SORBS2: variants seen among roughly 807,000 people sequenced by gnomAD.
SORBS2 encodes the protein sorbin and SH3 domain containing 2.
SORBS2 carries 46 observed loss-of-function variants against 97.7 expected under a neutral mutation model. The ratio of observed to expected loss-of-function variants is 0.47; its 90% CI spans 0.37 to 0.60. The LOEUF (loss-of-function observed/expected upper bound fraction) is 0.60, where lower values mean the gene tolerates loss of function less well. Ranked by LOEUF, SORBS2 falls within the 20% of genes least tolerant of loss-of-function variation. The probability of loss-of-function intolerance (pLI) is 0.00; values close to 1 mark genes in which losing one functional copy is unlikely to be tolerated. For missense variants in SORBS2, 1,316 were observed against 1,282.3 expected (o/e 1.03, Z -0.40); for synonymous variants, 476 against 473.4 (o/e 1.01, Z -0.07).
At chr4:185,887,066 T>C (rs2099240043) in intron 1 of SORBS2, among the ~76,000 whole-genome samples, 1 of 152,098 alleles carries the variant, frequency 6.6e-6, no homozygotes. Flanking sequence ...ACACTTGAGT[T>C]GCACAAACAG....
At chr4:185,766,938 T>C (rs897434460) in intron 2 of SORBS2, among the ~76,000 whole-genome samples, 2 of 152,236 alleles carry the variant, frequency 1.3e-5, no homozygotes, top group African/African-American at 2.4e-5. Flanking sequence ...GTTTCTATTC[T>C]ATCCTTTCTA....
At chr4:185,608,885 C>G (rs920443732) in intron 12 of SORBS2, among the ~76,000 whole-genome samples, 1 of 152,204 alleles carries the variant, frequency 6.6e-6, no homozygotes, top group African/African-American at 2.4e-5. Flanking sequence ...CACAGGGAAG[C>G]AGCCCTCTTG....
intron 2 of SORBS2, among the ~76,000 whole-genome samples, chr4:185,756,136 T>G (rs920615724): frequency 6.6e-6 from 1 of 152,198 alleles, no homozygotes; most frequent in Non-Finnish European, 1.5e-5. Flanking sequence ...CATTGACAGC[T>G]CATTAGAAAG....
chr4:185,665,908 G>A (rs1246544756), intron 4 of SORBS2: 1 of 1,197,604 alleles, frequency 8.4e-7, no homozygotes, highest in Non-Finnish European at 1.1e-6. Context: ...GGCCAGGGAG[G>A]AGTCTGTTGT....
chr4:185,831,862 G>T (rs1230355983), intron 1 of SORBS2, among the ~76,000 whole-genome samples: 1 of 152,156 alleles, frequency 6.6e-6, no homozygotes, highest in Non-Finnish European at 1.5e-5. Context: ...AAGTCAACAA[G>T]ACCTCAATGC....
In SORBS2 at chr4:185,621,796, G is replaced by T. The variant is rs191804905; in HGVS notation, c.2215+1118C>A. ...ATACTATAAATTCTGAATTATTAGG[G>T]GTTTGAATCTCTTTTCTGTTATCTA... On this transcript the variant is annotated intron_variant, in intron 7 of 14. Transcript: ENST00000418609. Among the ~76,000 whole-genome samples the T allele has an allele frequency of 2.8e-3, 420 of 152,176 alleles. 1 individual carries two copies. Among genetic ancestry groups the T allele is most frequent in the African/African-American group, 9.5e-3 (394 of 41,528 alleles).
chr4:185,591,086 T>TATCA (rs71593639), intron 13 of SORBS2, among the ~76,000 whole-genome samples: 31,487 of 152,022 alleles, frequency 0.21, 3,641 homozygotes, highest in African/African-American at 0.33. Flanking sequence ...AAAACTATTC[T>TATCA]ATCATTTAAA....
At chr4:185,821,446 T>C (rs1258736217) in intron 1 of SORBS2, among the ~76,000 whole-genome samples, 6 of 152,186 alleles carry the variant, frequency 3.9e-5, no homozygotes, top group Non-Finnish European at 8.8e-5. Flanking sequence ...TTTTTTGAGA[T>C]GGAGTCTCGC....
At chr4:185,928,507 G>A (rs1173569133) in intron 1 of SORBS2, among the ~76,000 whole-genome samples, 3 of 152,178 alleles carry the variant, frequency 2.0e-5, no homozygotes, top group South Asian at 4.1e-4. Flanking sequence ...AGTCAGGCAC[G>A]TGGGGCCCCA....
At chr4:185,627,011 C>T in exon 6 of SORBS2, 1 of 1,614,042 alleles carries the variant, frequency 6.2e-7, no homozygotes, top group South Asian at 1.1e-5. Flanking sequence ...ACTGGCCATG[C>T]TTGCAGAACT....
chr4:185,593,781 G>T, intron 13 of SORBS2, 105 bp downstream of exon 25: 1 of 761,930 alleles, frequency 1.3e-6, no homozygotes, highest in Non-Finnish European at 2.3e-6. Flanking sequence ...CCTCATGTTA[G>T]TTTGATCTTT....
At chr4:185,625,594 G>T (rs2096796982) in intron 6 of SORBS2, among the ~76,000 whole-genome samples, 1 of 152,112 alleles carries the variant, frequency 6.6e-6, no homozygotes, top group African/African-American at 2.4e-5. Context: ...TTAACTTTTG[G>T]CTAGTATCCA....
At chr4:185,852,295 T>A (rs7696852) in intron 1 of SORBS2, among the ~76,000 whole-genome samples, 36,142 of 152,134 alleles carry the variant, frequency 0.24, 4,734 homozygotes, top group Middle Eastern at 0.35. Flanking sequence ...GCTTAAGGAC[T>A]AGCGCTTTCA....
Position 185,607,797 on chromosome 4 carries a change from C to T in SORBS2, c.2796+3983G>A, listed in dbSNP as rs549544633. On this transcript the variant is annotated intron_variant, in intron 12 of 14. Coordinates refer to ENST00000418609, the Ensembl canonical transcript of SORBS2. The surrounding 1 kb of genome is among the most constrained non-coding windows in gnomAD (Gnocchi z 5.2). ...GCAACCTCTGCCTCCCAGGTTCAAA[C>T]GATTTTCCTGCTTCATCCTCCCGAG... is the stretch of plus-strand genomic sequence containing the variant. 3.3e-5 allele frequency among the ~76,000 whole-genome samples: 5 copies of T among 152,128 alleles called. No homozygotes were observed. Among genetic ancestry groups the T allele is most frequent in the Non-Finnish European group, 5.9e-5 (4 of 67,994 alleles).
chr4:185,870,315 A>T (rs898744859), intron 1 of SORBS2, among the ~76,000 whole-genome samples: 1 of 152,240 alleles, frequency 6.6e-6, no homozygotes, highest in Non-Finnish European at 1.5e-5. Flanking sequence ...GCAGTCTGAC[A>T]TAACACAGCC....
At chr4:185,911,430 T>C (rs2099255004) in intron 1 of SORBS2, among the ~76,000 whole-genome samples, 2 of 152,036 alleles carry the variant, frequency 1.3e-5, no homozygotes, top group Admixed American at 1.3e-4. Context: ...AGTCTCACTA[T>C]ATTGCTCAGG....
chr4:185,898,724 C>T (rs988765982), intron 1 of SORBS2, among the ~76,000 whole-genome samples: 24 of 152,098 alleles, frequency 1.6e-4, no homozygotes, highest in Admixed American at 7.9e-4. Flanking sequence ...ATGGAGAGGG[C>T]GTCAGTTTAG....
intron 11 of SORBS2, 137 bp from the exon 24 acceptor site, chr4:185,612,117 G>T: frequency 1.6e-6 from 1 of 628,246 alleles, no homozygotes; most frequent in Non-Finnish European, 2.8e-6. Flanking sequence ...AATCAGGGGA[G>T]GGCAAGTAAG....
intron 5 of SORBS2, 101 bp downstream of exon 8, chr4:185,662,003 C>T (rs777942679): frequency 7.5e-7 from 1 of 1,337,542 alleles, no homozygotes; most frequent in Non-Finnish European, 1.0e-6. Context: ...GTCATGAGTG[C>T]TGAGCGCTCC....
Sources: allele counts gnomAD v4.1 joint callset (sites outside exome capture counted in the v4.1 genomes callset), GRCh38; gene constraint gnomAD v4.1.1; non-coding constraint Gnocchi (gnomAD v3.1); transcripts MANE v1.5; gene names NCBI Gene and HGNC (gene_info 2026-07-23, HGNC 2026-07-21).